NTN5: variants seen among roughly 807,000 people sequenced by gnomAD.
NTN5 encodes netrin-5.
NTN5 carries 42 observed loss-of-function variants against 38.7 expected under a neutral mutation model. The observed-to-expected ratio is 1.08, with a 90% CI of 0.85 to 1.40. The LOEUF (loss-of-function observed/expected upper bound fraction) is 1.40, where lower values mean the gene tolerates loss of function less well. Among genes scored for constraint, NTN5 ranks in the 40% most tolerant of loss-of-function variants. The pLI is 0.00. For synonymous variants in NTN5, 329 were observed against 303.9 expected, an observed-to-expected ratio of 1.08 and a Z score of -0.86; for missense variants, 658 against 716.5, an observed-to-expected ratio of 0.92 and a Z score of 0.93.
At position 48,664,719 on chromosome 19, in the gene NTN5, A is replaced by G; in HGVS notation, c.680T>C (p.Leu227Pro). 2 of 1,600,804 alleles carry G rather than the reference A, an allele frequency of 1.2e-6. No homozygotes were observed. The highest frequency in any genetic ancestry group is 1.7e-6 in the Non-Finnish European group (2 of 1,173,828). Reference protein sequence around the residue: ...HARRCRFNSELFRLSGGRSGG... With the variant: ...HARRCRFNSEPFRLSGGRSGG... The stretch of plus-strand genomic sequence containing the variant: ...ACTCCGGCCGCCCGACAGTCTGAAC[A>G]GCTCAGAGTTGAACCGGCAGCGTCG... Residue 227 changes from leucine (L) to proline (P), a missense_variant, in exon 3 of 7, where the codon CTG becomes CCG. Coordinates refer to ENST00000270235, the MANE Select transcript of NTN5 (RefSeq NM_145807.4).
rs2031536026 is a variant in NTN5, at chr19:48,661,500, G to C, written c.*177C>G. 2 of 679,314 alleles carry C rather than the reference G, an allele frequency of 2.9e-6. No individual in the cohort carries two copies. Among genetic ancestry groups the C allele is most frequent in the Non-Finnish European group, 4.3e-6 (2 of 464,730 alleles). 42.1% of individuals were successfully genotyped at this position (679,314 alleles called of 1,614,324 possible). A position where few individuals can be genotyped will look rare whatever the true frequency, so the allele number is the denominator to read the frequency against. ...AGGAAATGTTGGGACCAGAAGTCCCGCTTGCCGCCTTTTGCTAAAAGTTCC... is the reference window on the plus strand; with the variant it reads ...AGGAAATGTTGGGACCAGAAGTCCCCCTTGCCGCCTTTTGCTAAAAGTTCC... On this transcript the variant is annotated 3_prime_UTR_variant, in exon 7 of 7. Transcript: ENST00000270235.
rs762568687 is a variant in NTN5, at chr19:48,664,735, G to A, written c.664C>T (p.Arg222Trp). 6.5e-5 allele frequency: 103 copies of A among 1,580,548 alleles called. No homozygotes were observed. Among genetic ancestry groups the A allele is most frequent in the Non-Finnish European group, 8.3e-5 (97 of 1,164,094 alleles). ...AGTCTGAACAGCTCAGAGTTGAACC[G>A]GCAGCGTCGGGCGTGCTGGTTGCAG... Reference protein sequence around the residue: ...CSCNQHARRCRFNSELFRLSG... With the variant: ...CSCNQHARRCWFNSELFRLSG... Residue 222 changes from arginine to tryptophan, a missense_variant, in exon 3 of 7, where the codon CGG becomes TGG. Transcript: ENST00000270235.
chr19:48,668,067 G>A (rs1001537488), intron 2 of NTN5, among the ~76,000 whole-genome samples: 11 of 152,140 alleles, frequency 7.2e-5, no homozygotes, highest in African/African-American at 2.7e-4. Flanking sequence ...TCTGAGGAGG[G>A]GCTGTTGGAG....
intron 2 of NTN5, among the ~76,000 whole-genome samples, chr19:48,669,212 A>G (rs1423448264): frequency 1.1e-4 from 4 of 37,346 alleles, no homozygotes; most frequent in African/African-American, 3.0e-4. Flanking sequence ...CACCATCACC[A>G]CCACCACCAC....
chr19:48,663,647 C>G, intron 5 of NTN5, 104 bp from the exon 6 acceptor site: 1 of 1,521,488 alleles, frequency 6.6e-7, no homozygotes, highest in Non-Finnish European at 9.1e-7. Flanking sequence ...CTGGGGTACC[C>G]AAACCTTTGG....
intron 6 of NTN5, 73 bp downstream of exon 6, chr19:48,663,390 A>G: frequency 7.6e-7 from 1 of 1,308,742 alleles, no homozygotes; most frequent in Non-Finnish European, 1.1e-6. Context: ...GGAAGGCCAG[A>G]AAGGGGGTGG....
At position 48,662,042 on chromosome 19, in the gene NTN5, C is replaced by A; in HGVS notation, c.1106-1G>T. On this transcript the variant is annotated splice_acceptor_variant, in intron 6 of 6. Transcript: ENST00000270235. LOFTEE classifies it high-confidence loss of function. Reference sequence around the variant, plus strand: ...GACGCTAGCACCTGCGCGCGGAGAACTGTGGGGAGGGGAGATGTCAGCCCA... The same window carrying A: ...GACGCTAGCACCTGCGCGCGGAGAAATGTGGGGAGGGGAGATGTCAGCCCA... 6.8e-7 allele frequency: 1 copy of A among 1,471,472 alleles called. No homozygotes were observed. The highest frequency in any genetic ancestry group is 1.3e-5 in the South Asian group (1 of 78,214). The allele number at this position is 1,471,472 out of a possible 1,614,324, so 91.2% of individuals were successfully genotyped here.
intron 2 of NTN5, among the ~76,000 whole-genome samples, chr19:48,669,744 ACCACCATCACCATCG>A (rs2031871017): frequency 8.0e-6 from 1 of 125,356 alleles, no homozygotes; most frequent in Non-Finnish European, 1.6e-5. Flanking sequence ...CACCATCACC[ACCACCATCACCATCG>A]TCACCACTAC....
Position 48,670,783 on chromosome 19 carries a change from G to C in NTN5, c.204C>G (p.Ala68=). Residue 68 remains alanine (A), a synonymous_variant, in exon 2 of 7, where the codon GCC becomes GCG. Transcript: ENST00000270235. ...RETCNGSLTL[A]LGGPFLLTSV... is the part of the protein sequence containing the mutation. ...ATGTCAGGAGGAAGGGGCCACCCAG[G>C]GCCAAAGTCAGGCTGCCATTGCAGG... The C allele has an allele frequency of 6.2e-7, 1 of 1,613,104 alleles. No individual in the cohort carries two copies. Among genetic ancestry groups the C allele is most frequent in the Non-Finnish European group, 8.5e-7 (1 of 1,179,930 alleles).
chr19:48,671,263 G>A (rs1350170564), intron 1 of NTN5, among the ~76,000 whole-genome samples: 2 of 152,064 alleles, frequency 1.3e-5, no homozygotes, highest in East Asian at 1.9e-4. Flanking sequence ...CGTCAGTGTC[G>A]AGGGGCAGGG....
At position 48,664,925 on chromosome 19, in the gene NTN5, T is replaced by C. The variant is rs373002; in HGVS notation, c.632-158A>G. ...CAGGACATCTCTATTATTATCTTTT[T>C]TTTTTGAGACGGAGACTCACTCTGT... On this transcript the variant is annotated intron_variant, in intron 2 of 6. Transcript: ENST00000270235. 0.49 allele frequency among the ~76,000 whole-genome samples: 74,381 copies of C among 151,668 alleles called. 20,651 individuals carry two copies. The highest frequency in any genetic ancestry group is 0.71 in the Middle Eastern group (209 of 294).
At chr19:48,664,022 G>C in intron 4 of NTN5, 121 bp downstream of exon 4, 1 of 1,323,116 alleles carries the variant, frequency 7.6e-7, no homozygotes, top group Non-Finnish European at 1.0e-6. Flanking sequence ...CCAGAGTCCA[G>C]CCTCCAGCCT....
intron 2 of NTN5, chr19:48,667,354 A>G: frequency 2.6e-6 from 1 of 379,652 alleles, no homozygotes; most frequent in Admixed American, 3.0e-5. Flanking sequence ...CCGGGTTTGG[A>G]GGGCACTGCC....
At chr19:48,667,543 G>C (rs910369316) in intron 2 of NTN5, 1 of 171,748 alleles carries the variant, frequency 5.8e-6, no homozygotes, top group African/African-American at 2.4e-5. Flanking sequence ...TAGCCCATGT[G>C]ATCTTCATGT....
chr19:48,669,972 T>TACCATCACCACCAC (rs2031903444), intron 2 of NTN5, among the ~76,000 whole-genome samples: 1 of 122,022 alleles, frequency 8.2e-6, no homozygotes, highest in Non-Finnish European at 1.7e-5. Flanking sequence ...ATCACCACCA[T>TACCATCACCACCAC]CATCACCATC....
At chr19:48,663,413 C>T (rs763940663) in intron 6 of NTN5, 50 bp downstream of exon 6, 1 of 1,524,412 alleles carries the variant, frequency 6.6e-7, no homozygotes, top group Non-Finnish European at 9.1e-7. Context: ...TAGAAGCAGT[C>T]ATCAGAACCA....
At chr19:48,664,048 C>G (rs921980166) in intron 4 of NTN5, 95 bp downstream of exon 4, 1 of 1,439,580 alleles carries the variant, frequency 6.9e-7, no homozygotes, top group Non-Finnish European at 9.3e-7. Context: ...TCCCAATTCC[C>G]AAGGCCCCAG....
In NTN5 at chr19:48,661,842, G is replaced by A; in HGVS notation, c.1305C>T (p.Ala435=). The A allele has an allele frequency of 1.5e-6, 2 of 1,333,038 alleles. No homozygotes were observed. Among genetic ancestry groups the A allele is most frequent in the Non-Finnish European group, 1.9e-6 (2 of 1,045,876 alleles). 82.6% of individuals were successfully genotyped at this position (1,333,038 alleles called of 1,614,324 possible). Residue 435 remains alanine, a synonymous_variant, in exon 7 of 7, where the codon GCC becomes GCT. Transcript: ENST00000270235. ...PGTDYLLLGS[A]VGDPDPTRLI... ...GGCGCGTGGGGTCGGGGTCGCCCAC[G>A]GCGCTGCCCAGCAGCAGGTAGTCGG...
Position 48,670,606 on chromosome 19 carries a change from T to TGTGGAA in NTN5, c.380_381insTTCCAC (p.Pro127_Gly128insSerThr), listed in dbSNP as rs2031934267. The TGTGGAA allele has an allele frequency of 1.3e-6, 2 of 1,593,600 alleles. No homozygotes were observed. The highest frequency in any genetic ancestry group is 1.7e-6 in the Non-Finnish European group (2 of 1,170,728). On this transcript the variant is annotated inframe_insertion, in exon 2 of 7. Coordinates refer to ENST00000270235, the MANE Select transcript of NTN5 (RefSeq NM_145807.4). ...TGGCCGCCACAGTGGCCTTAGGACC[T>TGTGGAA]GGTGTGGAGTGGAAGGTCACCCTTT...
Sources: allele counts gnomAD v4.1 joint callset (sites outside exome capture counted in the v4.1 genomes callset), GRCh38; gene constraint gnomAD v4.1.1; transcripts MANE v1.5; gene names NCBI Gene and HGNC (gene_info 2026-07-23, HGNC 2026-07-21).